LEPROT: variants seen among roughly 807,000 people sequenced by gnomAD.
The protein encoded by LEPROT is leptin receptor overlapping transcript, also known as leptin receptor gene-related protein.
Under a neutral mutation model 15.4 loss-of-function variants are expected in LEPROT, and 3 were observed. The ratio of observed to expected loss-of-function variants is 0.19; its 90% CI spans 0.09 to 0.50. The LOEUF is 0.50. Ranked by LOEUF, LEPROT falls within the 20% of genes least tolerant of loss-of-function variation. The pLI is 0.97. For missense variants in LEPROT, 137 were observed against 162.2 expected (o/e 0.84, Z 0.84); for synonymous variants, 59 against 57.5 (o/e 1.03, Z -0.12).
rs1646523779 is a variant in LEPROT, at chr1:65,434,010, C to A, written c.*2091C>A. The A allele has an allele frequency of 4.1e-6, 4 of 985,222 alleles. No homozygotes were observed. The highest frequency in any genetic ancestry group is 4.8e-6 in the Non-Finnish European group (4 of 829,778). The allele number at this position is 985,222 out of a possible 1,614,324, so 61.0% of individuals were successfully genotyped here. On this transcript the variant is annotated 3_prime_UTR_variant, in exon 4 of 4. Coordinates refer to ENST00000371065, the MANE Select transcript of LEPROT (RefSeq NM_017526.5). ...CTAAGATGGCAATAATGATTCATTT[C>A]TACTACATTTTGCAAAAGTGTTTTT...
chr1:65,422,862 C>G (rs1417877172), intron 1 of LEPROT, among the ~76,000 whole-genome samples: 1 of 152,110 alleles, frequency 6.6e-6, no homozygotes, highest in Non-Finnish European at 1.5e-5. Flanking sequence ...GAAGCAACCG[C>G]AAAGGGATGG....
intron 1 of LEPROT, chr1:65,421,293 C>T (rs1646244871): frequency 6.7e-7 from 1 of 1,500,502 alleles, no homozygotes; most frequent in African/African-American, 1.4e-5. Flanking sequence ...AATTTTAATA[C>T]TGCTTTCTTC....
Position 65,434,382 on chromosome 1 carries a change from CTG to C in LEPROT, c.*2464_*2465del, listed in dbSNP as rs1249781146. 12 of 985,144 alleles carry C rather than the reference CTG, an allele frequency of 1.2e-5. No homozygotes were observed. The highest frequency in any genetic ancestry group is 1.4e-5 in the Non-Finnish European group (12 of 829,908). 61.0% of individuals were successfully genotyped at this position (985,144 alleles called of 1,614,324 possible). On this transcript the variant is annotated 3_prime_UTR_variant, in exon 4 of 4. Coordinates refer to ENST00000371065, the MANE Select transcript of LEPROT (RefSeq NM_017526.5). ...AGAGCATAGTGACTATAGTCGAAAACTGAGATTGCACTTCCAAAATTGGCCAC... is the reference window on the plus strand; with the variant it reads ...AGAGCATAGTGACTATAGTCGAAAACAGATTGCACTTCCAAAATTGGCCAC...
chr1:65,426,481 A>ACAT (rs1646372793), intron 2 of LEPROT, among the ~76,000 whole-genome samples: 1 of 152,068 alleles, frequency 6.6e-6, no homozygotes, highest in African/African-American at 2.4e-5. Context: ...ATAACGTGAG[A>ACAT]CTAGATAGGA....
intron 1 of LEPROT, chr1:65,421,563 G>C: frequency 7.7e-7 from 1 of 1,300,820 alleles, no homozygotes; most frequent in South Asian, 1.3e-5. Flanking sequence ...GATATCCCCA[G>C]TTAACATCTG....
chr1:65,423,030 C>G (rs909821133), intron 1 of LEPROT, among the ~76,000 whole-genome samples: 2 of 152,148 alleles, frequency 1.3e-5, no homozygotes, highest in Non-Finnish European at 2.9e-5. Context: ...CCTACTGATT[C>G]ATTGGAAGGT....
At chr1:65,425,217 A>G (rs898550834) in intron 1 of LEPROT, 86 bp from the exon 2 acceptor site, 22 of 1,109,054 alleles carry the variant, frequency 2.0e-5, no homozygotes, top group Admixed American at 6.1e-5. Context: ...TGGACCTATT[A>G]GAAGTCACTC....
chr1:65,431,000 G>C (rs1257104639), intron 3 of LEPROT, among the ~76,000 whole-genome samples: 2 of 152,126 alleles, frequency 1.3e-5, no homozygotes, highest in African/African-American at 4.8e-5. Context: ...AATCCAGTGT[G>C]GTAGAGCTAA....
In LEPROT at chr1:65,422,786, G is replaced by C. The variant is rs193095702; in HGVS notation, c.16+2046G>C. On this transcript the variant is annotated intron_variant, in intron 1 of 3. Transcript: ENST00000371065. ...TTAGTGGTGAGGGTTGAAGCTGGCTGGACAGGCAGTTAGGAGTGAGTCAGG... is the reference window on the plus strand; with the variant it reads ...TTAGTGGTGAGGGTTGAAGCTGGCTCGACAGGCAGTTAGGAGTGAGTCAGG... Among the ~76,000 whole-genome samples, 208 of 152,330 alleles carry C rather than the reference G, an allele frequency of 1.4e-3. 1 individual carries two copies. The highest frequency in any genetic ancestry group is 4.1e-4 in the Non-Finnish European group (28 of 68,026).
intron 2 of LEPROT, among the ~76,000 whole-genome samples, chr1:65,425,616 A>G (rs1405034320): frequency 6.8e-6 from 1 of 146,742 alleles, no homozygotes; most frequent in Non-Finnish European, 1.5e-5. Flanking sequence ...AGCTGGGGAC[A>G]CACAAATGAA....
chr1:65,432,641 A>G lies in LEPROT; in HGVS notation c.*722A>G, dbSNP rs1448802735. On this transcript the variant is annotated 3_prime_UTR_variant, in exon 4 of 4. Coordinates refer to ENST00000371065, the MANE Select transcript of LEPROT (RefSeq NM_017526.5). ...ATGTTCAAGCCTATAATATTTAGGC[A>G]GTTCCTCAAATTTATGAAAAGTGTT... 1 of 984,992 alleles carries G rather than the reference A, an allele frequency of 1.0e-6. No individual in the cohort carries two copies. Among genetic ancestry groups the G allele is most frequent in the South Asian group, 4.7e-5 (1 of 21,266 alleles). 61.0% of individuals were successfully genotyped at this position (984,992 alleles called of 1,614,324 possible).
chr1:65,420,934 T>C (rs776649341), intron 1 of LEPROT, among the ~76,000 whole-genome samples, 194 bp downstream of exon 1: 39 of 152,160 alleles, frequency 2.6e-4, no homozygotes, highest in Non-Finnish European at 5.0e-4. Context: ...GGGGGAGCCT[T>C]GGCCCTTTTT....
Position 65,433,362 on chromosome 1 carries a change from G to A in LEPROT, c.*1443G>A. ...TATGCCACCCTTAAATGAATCATTG[G>A]GTATACCTGTCATGTTGGATCCTGT... is the stretch of plus-strand genomic sequence containing the variant. On this transcript the variant is annotated 3_prime_UTR_variant, in exon 4 of 4. Transcript: ENST00000371065. 2 of 985,332 alleles carry A rather than the reference G, an allele frequency of 2.0e-6. No individual in the cohort carries two copies. The highest frequency in any genetic ancestry group is 2.3e-4 in the East Asian group (2 of 8,812). The allele number at this position is 985,332 out of a possible 1,614,324, so 61.0% of individuals were successfully genotyped here.
chr1:65,431,758 A>G (rs752229372), intron 3 of LEPROT, 45 bp from the exon 4 acceptor site: 1 of 1,592,462 alleles, frequency 6.3e-7, no homozygotes, highest in South Asian at 1.1e-5. Flanking sequence ...AAAGAGTACA[A>G]TATGAAGGAA....
rs1026093499 is a variant in LEPROT, at chr1:65,432,939, A to G, written c.*1020A>G. On this transcript the variant is annotated 3_prime_UTR_variant, in exon 4 of 4. Transcript: ENST00000371065. ...ATATACAATAATTTGTCAATATATA[A>G]TCAAAATAAAAAACAAAACATACTC... 1.0e-5 allele frequency: 10 copies of G among 980,814 alleles called. No homozygotes were observed. The highest frequency in any genetic ancestry group is 1.2e-5 in the Non-Finnish European group (10 of 825,828). 60.8% of individuals were successfully genotyped at this position (980,814 alleles called of 1,614,324 possible). A position where few individuals can be genotyped will look rare whatever the true frequency, so the allele number is the denominator to read the frequency against.
chr1:65,422,487 C>T (rs1326697378), intron 1 of LEPROT, among the ~76,000 whole-genome samples: 1 of 152,218 alleles, frequency 6.6e-6, no homozygotes, highest in Non-Finnish European at 1.5e-5. Flanking sequence ...CTGTTGTTCT[C>T]AGCCATCCAG....
chr1:65,429,761 A>C (rs891419404), intron 2 of LEPROT, 101 bp from the exon 3 acceptor site: 3 of 1,065,220 alleles, frequency 2.8e-6, no homozygotes, highest in Non-Finnish European at 3.9e-6. Context: ...TTTTTGACCT[A>C]AACATTTAAA....
At position 65,420,711 on chromosome 1, in the gene LEPROT, C is replaced by T. The variant is rs760171463; in HGVS notation, c.-14C>T. 4 of 1,581,176 alleles carry T rather than the reference C, an allele frequency of 2.5e-6. No homozygotes were observed. Among genetic ancestry groups the T allele is most frequent in the South Asian group, 1.2e-5 (1 of 86,302 alleles). ...CAGGAAGCCGGAAGCAGCCGCGGCC[C>T]CAGTTCGGGAGACATGGCGGGCGTT... On this transcript the variant is annotated 5_prime_UTR_variant, in exon 1 of 4. Coordinates refer to ENST00000371065, the MANE Select transcript of LEPROT (RefSeq NM_017526.5).
chr1:65,431,723 T>C, intron 3 of LEPROT, 80 bp from the exon 4 acceptor site: 1 of 1,423,676 alleles, frequency 7.0e-7, no homozygotes, highest in Non-Finnish European at 9.6e-7. Context: ...TGGATGTTTC[T>C]AATGCAGAAA....
Sources: gnomAD v4.1 joint callset for allele counts (sites outside exome capture counted in the v4.1 genomes callset) on GRCh38, gnomAD v4.1.1 for gene constraint, MANE v1.5 for transcripts, NCBI Gene and HGNC (gene_info 2026-07-23, HGNC 2026-07-21) for gene names.